The following WDFY4 variants were observed in gnomAD, a reference collection of about 807,000 sequenced individuals.
The protein encoded by WDFY4 is WDFY family member 4.
WDFY4 carries 169 observed loss-of-function variants against 351.9 expected under a neutral mutation model. That is an observed-to-expected ratio of 0.48 (90% confidence interval 0.42 to 0.55). The LOEUF (loss-of-function observed/expected upper bound fraction) is 0.55. Among genes scored for constraint, WDFY4 ranks in the 20% least tolerant of loss-of-function variants. The pLI, the probability that WDFY4 is intolerant of heterozygous loss-of-function variation, is 0.00. For missense variants in WDFY4, 3,803 were observed against 3,935.6 expected, an observed-to-expected ratio of 0.97 and a Z score of 0.90; for synonymous variants, 1,622 against 1,574.6, an observed-to-expected ratio of 1.03 and a Z score of -0.71.
At chr10:48,971,726 A>T (rs1004328003) in intron 57 of WDFY4, among the ~76,000 whole-genome samples, 4 of 152,168 alleles carry the variant, frequency 2.6e-5, no homozygotes, top group African/African-American at 9.7e-5. Context: ...GAGGTGAAGG[A>T]ATGAATAGGG....
At chr10:48,758,774 A>G (rs1215714748) in intron 12 of WDFY4, among the ~76,000 whole-genome samples, 1 of 152,044 alleles carries the variant, frequency 6.6e-6, no homozygotes, top group Non-Finnish European at 1.5e-5. Flanking sequence ...ATTTACTGAA[A>G]CTTTCTGTTT....
chr10:48,876,247 A>C (rs1030499376), intron 42 of WDFY4, among the ~76,000 whole-genome samples: 1 of 152,242 alleles, frequency 6.6e-6, no homozygotes, highest in East Asian at 1.9e-4. Flanking sequence ...ACTTTCAATC[A>C]TCCAGTACAG....
intron 1 of WDFY4, among the ~76,000 whole-genome samples, chr10:48,688,153 T>A (rs1057019346): frequency 4.6e-5 from 7 of 152,114 alleles, no homozygotes; most frequent in African/African-American, 1.7e-4. Flanking sequence ...TGCATGGGGG[T>A]CTTTCCTGGT....
At chr10:48,758,992 T>C (rs997316256) in intron 12 of WDFY4, among the ~76,000 whole-genome samples, 5 of 152,110 alleles carry the variant, frequency 3.3e-5, no homozygotes, top group African/African-American at 1.2e-4. Context: ...AATCTTATCT[T>C]ATGAACTCTG....
intron 23 of WDFY4, among the ~76,000 whole-genome samples, chr10:48,792,628 G>A (rs1053187797): frequency 6.6e-6 from 1 of 152,162 alleles, no homozygotes; most frequent in Non-Finnish European, 1.5e-5. Context: ...TAATTATTGT[G>A]ACAATTTCTA....
At chr10:48,706,641 T>C (rs531547509) in intron 1 of WDFY4, among the ~76,000 whole-genome samples, 2 of 152,332 alleles carry the variant, frequency 1.3e-5, no homozygotes, top group South Asian at 4.1e-4. Context: ...AGGATTGGTG[T>C]TTCAGGAGCA....
At chr10:48,719,313 A>C (rs185383255) in intron 2 of WDFY4, among the ~76,000 whole-genome samples, 219 of 152,354 alleles carry the variant, frequency 1.4e-3, no homozygotes, top group African/African-American at 5.1e-3. Context: ...TATCCACCCT[A>C]GGAATCAAAA....
intron 51 of WDFY4, among the ~76,000 whole-genome samples, chr10:48,956,053 C>A (rs1390723701): frequency 6.6e-6 from 1 of 152,242 alleles, no homozygotes; most frequent in South Asian, 2.1e-4. Flanking sequence ...CCTCCACCCC[C>A]AGCACCTTCA....
chr10:48,887,608 C>T (rs1263874433), intron 43 of WDFY4, among the ~76,000 whole-genome samples: 1 of 152,060 alleles, frequency 6.6e-6, no homozygotes, highest in Admixed American at 6.5e-5. Flanking sequence ...GAAACCCCAT[C>T]TTTACTAAAA....
chr10:48,793,563 G>A (rs12217291), intron 23 of WDFY4, among the ~76,000 whole-genome samples: 1 of 152,190 alleles, frequency 6.6e-6, no homozygotes, highest in East Asian at 1.9e-4. Context: ...TTCTAGGCAC[G>A]TTTTCTCGCT....
rs34012526 is a variant in WDFY4, at chr10:48,732,287, G to GCAAA, written c.1582+726_1582+729dup. Among the ~76,000 whole-genome samples the GCAAA allele has an allele frequency of 2.9e-3, 449 of 152,294 alleles. 4 individuals carry two copies. Among genetic ancestry groups the GCAAA allele is most frequent in the Non-Finnish European group, 4.8e-3 (328 of 68,032 alleles). ...ATCTCCGTTGACTTTCTGATAGGAAGCAAAGTGTGGAAACTCCTTCCCCAG... is the reference window on the plus strand; with the variant it reads ...ATCTCCGTTGACTTTCTGATAGGAAGCAAACAAAGTGTGGAAACTCCTTCCCCAG... On this transcript the variant is annotated intron_variant, in intron 9 of 61. Coordinates refer to ENST00000325239, the MANE Select transcript of WDFY4 (RefSeq NM_001394531.1).
chr10:48,982,440 T>G (rs1166993920), intron 61 of WDFY4, 69 bp from the exon 62 acceptor site: 2 of 1,356,024 alleles, frequency 1.5e-6, no homozygotes, highest in Non-Finnish European at 9.8e-7. Context: ...AGTTGCAATA[T>G]CCCATGTGCT....
intron 47 of WDFY4, among the ~76,000 whole-genome samples, chr10:48,921,455 T>A (rs1047759068): frequency 1.3e-5 from 2 of 152,136 alleles, no homozygotes; most frequent in Non-Finnish European, 2.9e-5. Context: ...ACACATTGAC[T>A]CAAAATGGAT....
At chr10:48,787,928 TTC>T (rs1565198912) in intron 20 of WDFY4, among the ~76,000 whole-genome samples, 15 of 85,958 alleles carry the variant, frequency 1.7e-4, no homozygotes, top group African/African-American at 6.8e-4. Flanking sequence ...CTTCTTCTTC[TTC>T]TTCTTCTTCT....
rs183856128 is a variant in WDFY4, at chr10:48,883,565, C to T, written c.7167+6366C>T. 8.5e-5 allele frequency among the ~76,000 whole-genome samples: 13 copies of T among 152,342 alleles called. No homozygotes were observed. The East Asian group carries it at 1.3e-3, about 16-fold the overall frequency. Reference sequence around the variant, plus strand: ...TAAATTTCTAAGCGAAACATGCCCACGATAGGGGCATGGCAGGACTGTGTG... The same window carrying T: ...TAAATTTCTAAGCGAAACATGCCCATGATAGGGGCATGGCAGGACTGTGTG... On this transcript the variant is annotated intron_variant, in intron 43 of 61. Coordinates refer to ENST00000325239, the MANE Select transcript of WDFY4 (RefSeq NM_001394531.1).
chr10:48,906,876 CA>C (rs1837641868), intron 47 of WDFY4, among the ~76,000 whole-genome samples: 1 of 151,930 alleles, frequency 6.6e-6, no homozygotes, highest in Admixed American at 6.5e-5. Context: ...AAAACTAAAA[CA>C]AACAATCATA....
intron 1 of WDFY4, among the ~76,000 whole-genome samples, chr10:48,697,419 T>C (rs947809449): frequency 3.3e-5 from 5 of 152,170 alleles, no homozygotes; most frequent in Middle Eastern, 3.2e-3. Context: ...TAGCCAACAC[T>C]TACACATGGC....
chr10:48,916,684 G>T (rs1245349359), intron 47 of WDFY4, among the ~76,000 whole-genome samples: 2 of 152,200 alleles, frequency 1.3e-5, no homozygotes, highest in East Asian at 3.8e-4. Flanking sequence ...CAACAGGGAA[G>T]AAATTCAGGA....
At chr10:48,913,642 GC>G in intron 47 of WDFY4, 2 of 1,613,918 alleles carry the variant, frequency 1.2e-6, no homozygotes, top group African/African-American at 1.3e-5. Context: ...TTTATGTTGA[GC>G]TTTTTCAGCT....
Sources: allele counts gnomAD v4.1 joint callset (sites outside exome capture counted in the v4.1 genomes callset), GRCh38; gene constraint gnomAD v4.1.1; transcripts MANE v1.5; gene names NCBI Gene and HGNC (gene_info 2026-07-23, HGNC 2026-07-21).